Variants in ZBBX observed in about 807,000 individuals in gnomAD.
The protein encoded by ZBBX is zinc finger B-box domain-containing protein 1.
A neutral mutation model predicts 108.5 loss-of-function variants in ZBBX; 101 were observed. That is an observed-to-expected ratio of 0.93 (90% CI 0.79 to 1.10). The LOEUF (loss-of-function observed/expected upper bound fraction) is 1.10. Among genes scored for constraint, ZBBX ranks in the 50% least tolerant of loss-of-function variants. The pLI, the probability that ZBBX is intolerant of heterozygous loss-of-function variation, is 0.00. For missense variants in ZBBX, 1,009 were observed against 941.4 expected (o/e 1.07, Z -0.94); for synonymous variants, 356 against 323.4 (o/e 1.10, Z -1.08).
chr3:167,274,181 T>C (rs1465468323), intron 20 of ZBBX, among the ~76,000 whole-genome samples: 1 of 152,182 alleles, frequency 6.6e-6, no homozygotes, highest in East Asian at 1.9e-4. Context: ...GACTGCTTTG[T>C]CCAATGAACT....
the ZBBX span, among the ~76,000 whole-genome samples, chr3:167,214,305 AC>A: frequency 6.6e-6 from 1 of 152,140 alleles, no homozygotes; most frequent in Admixed American, 6.6e-5. Context: ...AGAAAAATCA[AC>A]CAAGCAAATG....
intron 20 of ZBBX, among the ~76,000 whole-genome samples, chr3:167,271,254 T>C (rs980537670): frequency 1.3e-5 from 2 of 152,210 alleles, no homozygotes; most frequent in African/African-American, 2.4e-5. Context: ...AAGGAGTTAA[T>C]CACCCAAGTA....
intron 17 of ZBBX, among the ~76,000 whole-genome samples, chr3:167,299,862 C>T (rs542540952): frequency 3.2e-4 from 49 of 152,284 alleles, no homozygotes; most frequent in Admixed American, 7.2e-4. Context: ...CCACTTTATT[C>T]AGAAGCAGGA....
chr3:167,406,493 G>C (rs914389547), intron 1 of ZBBX, among the ~76,000 whole-genome samples: 8 of 152,150 alleles, frequency 5.3e-5, no homozygotes, highest in African/African-American at 1.7e-4. Context: ...GGCCAAGGCA[G>C]GTGGATCACC....
rs187093758 is a variant in ZBBX at position 167,289,659 on chromosome 3, C to T, written c.1880-676G>A. Among the ~76,000 whole-genome samples, 13 of 152,278 alleles carry T rather than the reference C, an allele frequency of 8.5e-5. No homozygotes were observed. The East Asian group carries it at 1.2e-3, about 14-fold the overall frequency. On this transcript the variant is annotated intron_variant, in intron 18 of 21. Transcript: ENST00000675490. ...CCACCAGGGACCTTGGTTTCCAGCA[C>T]GAAACTGGGTGGCCACTTGAGCAGA...
intron 17 of ZBBX, 65 bp from the exon 18 acceptor site, chr3:167,298,523 T>G (rs1386834473): frequency 1.6e-6 from 2 of 1,229,412 alleles, no homozygotes; most frequent in Non-Finnish European, 2.2e-6. Flanking sequence ...CATATTCATT[T>G]ATCAGATACC....
chr3:167,351,241 T>C (rs999402212), intron 8 of ZBBX, among the ~76,000 whole-genome samples: 1 of 152,156 alleles, frequency 6.6e-6, no homozygotes, highest in Admixed American at 6.5e-5. Context: ...ACAAGTTAAA[T>C]AATGTAAAAT....
Position 167,240,778 on chromosome 3 carries a change from A to G in ZBBX, c.*15T>C, listed in dbSNP as rs767936336. On this transcript the variant is annotated 3_prime_UTR_variant, in exon 22 of 22. Transcript: ENST00000675490. ...CTCTGGGTACAAAATGGAAACAGTA[A>G]TGAACAAATAATCTTTAAGTACTCT... 3 of 1,610,650 alleles carry G rather than the reference A, an allele frequency of 1.9e-6. No individual in the cohort carries two copies. In the South Asian group the frequency reaches 3.3e-5, roughly 18 times the overall value.
chr3:167,366,040 A>G, intron 5 of ZBBX, 64 bp from the exon 6 acceptor site: 3 of 1,264,770 alleles, frequency 2.4e-6, no homozygotes, highest in African/African-American at 3.0e-5. Context: ...TAATGAAAAG[A>G]AATACAGTGT....
At chr3:167,224,002 A>G in the ZBBX span, among the ~76,000 whole-genome samples, 1 of 151,910 alleles carries the variant, frequency 6.6e-6, no homozygotes, top group Non-Finnish European at 1.5e-5. Flanking sequence ...CTTTAACCTT[A>G]CCCAACAGCT....
intron 18 of ZBBX, among the ~76,000 whole-genome samples, chr3:167,297,690 A>G (rs1731907006): frequency 6.6e-6 from 1 of 152,032 alleles, no homozygotes; most frequent in African/African-American, 2.4e-5. Context: ...CAACAATGAA[A>G]AAACAAATAA....
intron 12 of ZBBX, among the ~76,000 whole-genome samples, chr3:167,319,428 CA>C (rs750452143): frequency 6.6e-6 from 1 of 151,912 alleles, no homozygotes; most frequent in East Asian, 1.9e-4. Context: ...TTTGTGGGGG[CA>C]GGGGTACTGT....
At chr3:167,212,193 C>T in the ZBBX span, among the ~76,000 whole-genome samples, 1 of 152,080 alleles carries the variant, frequency 6.6e-6, no homozygotes. Context: ...CTGGAAAATC[C>T]GATGTGACTA....
intron 18 of ZBBX, among the ~76,000 whole-genome samples, chr3:167,290,102 C>G (rs59271792): frequency 2.0e-5 from 3 of 151,974 alleles, no homozygotes; most frequent in Admixed American, 2.0e-4. Context: ...TCTACCTCCC[C>G]GGGACAGAGC....
intron 20 of ZBBX, among the ~76,000 whole-genome samples, chr3:167,259,173 A>T (rs558213936): frequency 6.6e-6 from 1 of 152,110 alleles, no homozygotes; most frequent in Non-Finnish European, 1.5e-5. Flanking sequence ...TGTTCAGGGT[A>T]TCTAATTCTT....
At chr3:167,254,975 G>A (rs374063854) in intron 20 of ZBBX, among the ~76,000 whole-genome samples, 3 of 151,624 alleles carry the variant, frequency 2.0e-5, no homozygotes, top group Non-Finnish European at 2.9e-5. Flanking sequence ...CACAGCATTC[G>A]GAGCCAGAAA....
chr3:167,288,724 G>A (rs556376161), intron 19 of ZBBX, 143 bp downstream of exon 19: 9 of 434,268 alleles, frequency 2.1e-5, no homozygotes, highest in South Asian at 8.4e-5. Flanking sequence ...AAGAAAAGTC[G>A]AGGACATTTA....
At chr3:167,357,272 T>A (rs1451125409) in intron 8 of ZBBX, among the ~76,000 whole-genome samples, 1 of 151,936 alleles carries the variant, frequency 6.6e-6, no homozygotes, top group African/African-American at 2.4e-5. Flanking sequence ...AATCAAGAAA[T>A]CATAGTGTCC....
intron 20 of ZBBX, among the ~76,000 whole-genome samples, chr3:167,257,183 T>C (rs2108394421): frequency 6.6e-6 from 1 of 152,252 alleles, no homozygotes; most frequent in East Asian, 1.9e-4. Flanking sequence ...CTATTACAAA[T>C]GGAATTAGTT....
Sources: allele counts gnomAD v4.1 joint callset (sites outside exome capture counted in the v4.1 genomes callset), GRCh38; gene constraint gnomAD v4.1.1; transcripts MANE v1.5; gene names NCBI Gene and HGNC (gene_info 2026-07-23, HGNC 2026-07-21).